ZNF565: variants seen among roughly 807,000 people sequenced by gnomAD.
ZNF565 encodes the protein zinc finger protein 565.
A neutral mutation model predicts 39.4 loss-of-function variants in ZNF565; 27 were observed. The observed-to-expected ratio is 0.69, with a 90% CI of 0.51 to 0.95. The LOEUF is 0.95. Among genes scored for constraint, ZNF565 ranks in the 40% least tolerant of loss-of-function variants. The pLI is 0.00. For missense variants in ZNF565, 524 were observed against 621.1 expected (o/e 0.84, Z 1.66); for synonymous variants, 185 against 216.6 (o/e 0.85, Z 1.28).
intron 1 of ZNF565, among the ~76,000 whole-genome samples, chr19:36,205,288 G>C (rs530949398): frequency 2.0e-5 from 3 of 152,226 alleles, no homozygotes; most frequent in Non-Finnish European, 4.4e-5. Flanking sequence ...AGCACTTTGG[G>C]AGGCCGAGGC....
intron 2 of ZNF565, among the ~76,000 whole-genome samples, chr19:36,197,893 A>C (rs1233671156): frequency 1.3e-5 from 2 of 152,136 alleles, no homozygotes; most frequent in African/African-American, 2.4e-5. Flanking sequence ...CACGCCTGTA[A>C]TCTCAGCACT....
intron 1 of ZNF565, 52 bp from the exon 2 acceptor site, chr19:36,202,102 G>C: frequency 2.0e-6 from 2 of 975,776 alleles, no homozygotes; most frequent in Non-Finnish European, 3.3e-6. Context: ...AACTGAGCTT[G>C]CCTCAGCACT....
intron 1 of ZNF565, among the ~76,000 whole-genome samples, chr19:36,202,742 G>C (rs536453354): frequency 6.6e-6 from 1 of 152,204 alleles, no homozygotes; most frequent in Admixed American, 6.5e-5. Flanking sequence ...ATCCCTAAAC[G>C]AAGTCTTCTA....
At chr19:36,236,389 A>G (rs957493474) in intron 1 of ZNF565, 2 of 1,539,970 alleles carry the variant, frequency 1.3e-6, no homozygotes, top group African/African-American at 1.4e-5. Context: ...TCACTCATCA[A>G]GAAATTTTTA....
At chr19:36,241,820 T>A (rs910949418) in intron 1 of ZNF565, among the ~76,000 whole-genome samples, 4 of 140,218 alleles carry the variant, frequency 2.9e-5, no homozygotes, top group African/African-American at 1.1e-4. Flanking sequence ...ACAATTGAGG[T>A]ACAAAGATGA....
Position 36,194,937 on chromosome 19 carries a change from T to C in ZNF565, c.136+93A>G, listed in dbSNP as rs1372068240. 6 of 1,591,960 alleles carry C rather than the reference T, an allele frequency of 3.8e-6. No homozygotes were observed. The East Asian group carries it at 1.3e-4, about 36-fold the overall frequency. Reference sequence around the variant, plus strand: ...CGTCTCCTGTGACAGTTTCCTCTCCTCACCCATTTAGGCAGAGATGGAAAC... The same window carrying C: ...CGTCTCCTGTGACAGTTTCCTCTCCCCACCCATTTAGGCAGAGATGGAAAC... On this transcript the variant is annotated intron_variant, in intron 3 of 4. Transcript: ENST00000304116.
At chr19:36,232,923 C>A (rs1172756517) in intron 1 of ZNF565, among the ~76,000 whole-genome samples, 3 of 152,216 alleles carry the variant, frequency 2.0e-5, no homozygotes, top group African/African-American at 7.2e-5. Flanking sequence ...TTAAATATAA[C>A]AAATGCTGAA....
chr19:36,182,485 T>C lies in ZNF565; in HGVS notation c.1481A>G (p.Tyr494Cys). 6.3e-7 allele frequency: 1 copy of C among 1,577,736 alleles called. No individual in the cohort carries two copies. The highest frequency in any genetic ancestry group is 8.6e-7 in the Non-Finnish European group (1 of 1,162,702). The part of the protein sequence containing the change: ...FILGSQLIEH[Y>C]RIHTG The stretch of plus-strand genomic sequence containing the variant: ...GGCTTTCTAACCAGTATGAATTCTG[T>C]AGTGTTCAATGAGTTGTGAGCCAAG... Residue 494 changes from tyrosine (Y) to cysteine (C), a missense_variant, in exon 5 of 5, where the codon TAC becomes TGC. Tyr to Cys is a radical substitution (Grantham distance 194). Transcript: ENST00000304116.
At chr19:36,239,624 C>T (rs1035408019) in intron 1 of ZNF565, among the ~76,000 whole-genome samples, 1 of 152,160 alleles carries the variant, frequency 6.6e-6, no homozygotes, top group Non-Finnish European at 1.5e-5. Flanking sequence ...CCATGCCCAG[C>T]TAATTTTATT....
At chr19:36,235,207 C>CAA (rs112972407) in intron 1 of ZNF565, among the ~76,000 whole-genome samples, 21 of 121,600 alleles carry the variant, frequency 1.7e-4, no homozygotes, top group East Asian at 6.5e-4. Context: ...AATTCCGTCT[C>CAA]AAAAAAAAAA....
Position 36,182,930 on chromosome 19 carries a change from G to A in ZNF565, c.1036C>T (p.His346Tyr), listed in dbSNP as rs1380736140. ...ECKECGKGFI[H>Y]SSEVTRHQRI... ...TGATGTCGAGTAACTTCTGAGCTGT[G>A]AATAAAGCCCTTTCCGCATTCCTTA... Residue 346 changes from histidine to tyrosine, a missense_variant, in exon 5 of 5, where the codon CAC (histidine) becomes TAC (tyrosine). Coordinates refer to ENST00000304116, the MANE Select transcript of ZNF565 (RefSeq NM_152477.5). The A allele has an allele frequency of 1.9e-6, 3 of 1,613,914 alleles. No homozygotes were observed. The highest frequency in any genetic ancestry group is 1.3e-5 in the African/African-American group (1 of 74,872).
intron 1 of ZNF565, among the ~76,000 whole-genome samples, chr19:36,225,607 T>G (rs2145421039): frequency 6.6e-6 from 1 of 151,698 alleles, no homozygotes; most frequent in African/African-American, 2.4e-5. Flanking sequence ...CATACCACCA[T>G]ACCTGGCTAG....
chr19:36,192,781 C>T (rs1388652768), intron 4 of ZNF565, among the ~76,000 whole-genome samples: 1 of 151,286 alleles, frequency 6.6e-6, no homozygotes, highest in Non-Finnish European at 1.5e-5. Context: ...AGATTACAGG[C>T]ATGGGCCACT....
chr19:36,201,845 C>T (rs1975975982), intron 2 of ZNF565, 132 bp downstream of exon 2: 6 of 1,009,874 alleles, frequency 5.9e-6, no homozygotes, highest in Non-Finnish European at 9.1e-6. Context: ...GGGACTTGGG[C>T]ACCATTACTC....
Position 36,195,046 on chromosome 19 carries a change from A to G in ZNF565, c.120T>C (p.Gly40=). ...TCTCCTTACCTAGTGAGGCCAAGTGACCAAAGTTCTCCAGAGTCACCTCCC... is the reference window on the plus strand; with the variant it reads ...TCTCCTTACCTAGTGAGGCCAAGTGGCCAAAGTTCTCCAGAGTCACCTCCC... The part of the protein sequence containing the change: ...LYREVTLENF[G]HLASLGLSIS... The change falls in exon 3 of 5, where the codon GGT becomes GGC. Residue 40 remains glycine, a synonymous_variant. Coordinates refer to ENST00000304116, the MANE Select transcript of ZNF565 (RefSeq NM_152477.5). 1 of 1,614,068 alleles carries G rather than the reference A, an allele frequency of 6.2e-7. No homozygotes were observed. Among genetic ancestry groups the G allele is most frequent in the Non-Finnish European group, 8.5e-7 (1 of 1,180,018 alleles).
chr19:36,227,103 T>C lies in ZNF565; in HGVS notation c.55+18373A>G, dbSNP rs539036203. ...CATCTCAAAAAAAAAAAAATTTTTT[T>C]TTTGGCTGGGCGCAGTGGCTCACAC... On this transcript the variant is annotated intron_variant, in intron 1 of 4. Coordinates refer to the ZNF565 transcript ENST00000355114. Among the ~76,000 whole-genome samples the C allele has an allele frequency of 5.9e-4, 87 of 147,380 alleles. 1 individual carries two copies. In the South Asian group the frequency reaches 0.018, roughly 30 times the overall value.
At chr19:36,189,317 ATT>A (rs929406309) in intron 4 of ZNF565, among the ~76,000 whole-genome samples, 3 of 143,660 alleles carry the variant, frequency 2.1e-5, no homozygotes, top group Non-Finnish European at 1.5e-5. Flanking sequence ...ATATTATGTA[ATT>A]TTTTTTTTTT....
intron 4 of ZNF565, among the ~76,000 whole-genome samples, chr19:36,189,653 T>A (rs1974843): frequency 0.61 from 92,298 of 151,854 alleles, 29,272 homozygotes; most frequent in African/African-American, 0.8. Flanking sequence ...TCACAATTTT[T>A]AAAAATCTAA....
chr19:36,213,749 C>T (rs977923168), intron 1 of ZNF565, among the ~76,000 whole-genome samples: 3 of 142,750 alleles, frequency 2.1e-5, no homozygotes, highest in Non-Finnish European at 4.5e-5. Context: ...CTCAAGTGAT[C>T]CTCCCACCTC....
Sources: gnomAD v4.1 joint callset for allele counts (sites outside exome capture counted in the v4.1 genomes callset) on GRCh38, gnomAD v4.1.1 for gene constraint, MANE v1.5 for transcripts, NCBI Gene and HGNC (gene_info 2026-07-23, HGNC 2026-07-21) for gene names.